UPRT: variants seen among roughly 807,000 people sequenced by gnomAD.
UPRT encodes the protein uracil phosphoribosyltransferase homolog.
Under a neutral mutation model 22.6 loss-of-function variants are expected in UPRT, and 5 were observed. The ratio of observed to expected loss-of-function variants is 0.22; its 90% CI spans 0.12 to 0.47. The LOEUF (loss-of-function observed/expected upper bound fraction) is 0.47. Ranked by LOEUF, UPRT falls within the 20% of genes least tolerant of loss-of-function variation. The pLI is 0.99. For missense variants in UPRT, 181 were observed against 239.9 expected, an observed-to-expected ratio of 0.75 and a Z score of 1.62; for synonymous variants, 77 against 87.7, an observed-to-expected ratio of 0.88 and a Z score of 0.68.
At chrX:75,231,445 G>A (rs2082438172) in intron 4 of UPRT, among the ~76,000 whole-genome samples, 1 of 112,177 alleles carries the variant, frequency 8.9e-6, no homozygotes, top group Admixed American at 9.4e-5. Context: ...AAGAAATTTG[G>A]GATTATGTTA....
At chrX:75,258,582 C>T (rs1214136855) in intron 4 of UPRT, among the ~76,000 whole-genome samples, 1 of 111,973 alleles carries the variant, frequency 8.9e-6, no homozygotes, top group Non-Finnish European at 1.9e-5. Flanking sequence ...GATTCCTCCT[C>T]TCTGGGAAGG....
At chrX:75,185,880 T>A (rs1382701835) in intron 4 of UPRT, among the ~76,000 whole-genome samples, 1 of 111,813 alleles carries the variant, frequency 8.9e-6, no homozygotes, top group Non-Finnish European at 1.9e-5. Flanking sequence ...CCCTTTATCA[T>A]TTTTTACTGT....
chrX:75,299,660 A>G (rs544003446), intron 4 of UPRT, 75 bp from the exon 5 acceptor site: 3 of 1,012,456 alleles, frequency 3.0e-6, no homozygotes, highest in South Asian at 2.7e-5. Context: ...AACAGTGACA[A>G]ACTATACTTT....
At chrX:75,211,501 T>G (rs922962880) in intron 4 of UPRT, among the ~76,000 whole-genome samples, 1 of 111,213 alleles carries the variant, frequency 9.0e-6, no homozygotes, top group African/African-American at 3.3e-5. Context: ...GAGATTGGTG[T>G]TGGATGTGAT....
chrX:75,250,528 G>A (rs759592969), intron 4 of UPRT, among the ~76,000 whole-genome samples: 1 of 111,642 alleles, frequency 9.0e-6, no homozygotes, highest in South Asian at 3.8e-4. Context: ...TTCAATCCCT[G>A]AATAGACCAA....
At chrX:75,267,259 A>T (rs1463807506) in intron 4 of UPRT, among the ~76,000 whole-genome samples, 1 of 112,060 alleles carries the variant, frequency 8.9e-6, no homozygotes, top group Non-Finnish European at 1.9e-5. Flanking sequence ...AAAAAGGATG[A>T]GCTCATGACC....
intron 4 of UPRT, among the ~76,000 whole-genome samples, chrX:75,206,317 G>T (rs929002684): frequency 4.5e-5 from 5 of 111,162 alleles, no homozygotes; most frequent in African/African-American, 1.6e-4. Flanking sequence ...AAGTCGATCT[G>T]CCAGTGCTGC....
chrX:75,245,056 A>T (rs1213707207), intron 4 of UPRT, among the ~76,000 whole-genome samples: 2 of 110,561 alleles, frequency 1.8e-5, no homozygotes. Context: ...AGAATCTATT[A>T]AAAAAAACTG....
chrX:75,220,130 T>G (rs2082405356), intron 4 of UPRT, among the ~76,000 whole-genome samples: 1 of 111,621 alleles, frequency 9.0e-6, no homozygotes, highest in South Asian at 3.8e-4. Context: ...TATATATTCT[T>G]GCTGAAATGA....
At chrX:75,250,891 G>C (rs1000574603) in intron 4 of UPRT, among the ~76,000 whole-genome samples, 40 of 112,039 alleles carry the variant, frequency 3.6e-4, no homozygotes, top group Non-Finnish European at 4.7e-4. Context: ...TCCCTGGGAT[G>C]CAAGACTAGT....
At chrX:75,265,388 C>A (rs1409959611) in intron 4 of UPRT, among the ~76,000 whole-genome samples, 4 of 111,283 alleles carry the variant, frequency 3.6e-5, no homozygotes, top group African/African-American at 9.8e-5. Flanking sequence ...TCTTTTTATT[C>A]TTTTTTCTCT....
chrX:75,224,885 G>A (rs2082419397), intron 4 of UPRT, among the ~76,000 whole-genome samples: 1 of 111,406 alleles, frequency 9.0e-6, no homozygotes, highest in Admixed American at 9.6e-5. Context: ...ACACTCTGTT[G>A]CAAATAAATC....
At chrX:75,260,776 C>T (rs1234329640) in intron 4 of UPRT, among the ~76,000 whole-genome samples, 1 of 111,722 alleles carries the variant, frequency 9.0e-6, no homozygotes, top group Non-Finnish European at 1.9e-5. Flanking sequence ...ACAGAACTCT[C>T]CACCCCAAAT....
intron 4 of UPRT, among the ~76,000 whole-genome samples, chrX:75,267,080 A>G (rs915110014): frequency 9.0e-6 from 1 of 111,679 alleles, no homozygotes; most frequent in Non-Finnish European, 1.9e-5. Flanking sequence ...CAGCCATCCA[A>G]TTACTGGGTA....
At chrX:75,208,090 G>A (rs1373789166) in intron 4 of UPRT, among the ~76,000 whole-genome samples, 4 of 111,187 alleles carry the variant, frequency 3.6e-5, no homozygotes, top group African/African-American at 1.3e-4. Flanking sequence ...AAGAAGGAGA[G>A]GAGGTCCTTT....
chrX:75,217,331 A>G (rs1246487761), intron 4 of UPRT, among the ~76,000 whole-genome samples: 1 of 111,451 alleles, frequency 9.0e-6, no homozygotes, highest in East Asian at 2.8e-4. Context: ...GTTTTTTCCA[A>G]TTCTGTGAAG....
intron 2 of UPRT, chrX:75,294,693 GAT>G: frequency 1.5e-6 from 1 of 681,418 alleles, no homozygotes; most frequent in Admixed American, 4.5e-5. Context: ...ATAACCCTTA[GAT>G]AGTAACAAGA....
At chrX:75,243,673 C>A (rs2082495214) in intron 4 of UPRT, among the ~76,000 whole-genome samples, 1 of 111,262 alleles carries the variant, frequency 9.0e-6, no homozygotes, top group Non-Finnish European at 1.9e-5. Context: ...TAAATGTTTT[C>A]TATGAAAGTG....
At chrX:75,238,550 G>T (rs2082477832) in intron 4 of UPRT, among the ~76,000 whole-genome samples, 1 of 111,679 alleles carries the variant, frequency 9.0e-6, no homozygotes, top group South Asian at 3.7e-4. Context: ...TCTACTGACA[G>T]CACTAGACAG....
Sources: gnomAD v4.1 joint callset for allele counts (sites outside exome capture counted in the v4.1 genomes callset) on GRCh38, gnomAD v4.1.1 for gene constraint, MANE v1.5 for transcripts, NCBI Gene and HGNC (gene_info 2026-07-23, HGNC 2026-07-21) for gene names.